The following FAAP24 variants were observed in gnomAD, a reference collection of about 807,000 sequenced individuals.
FAAP24 encodes the protein FA core complex associated protein 24.
Under a neutral mutation model 14.3 loss-of-function variants are expected in FAAP24, and 16 were observed. The ratio of observed to expected loss-of-function variants is 1.12; its 90% CI spans 0.76 to 1.69. FAAP24 has a LOEUF of 1.69. Among genes scored for constraint, FAAP24 ranks in the 40% most tolerant of loss-of-function variants. The pLI, the probability that FAAP24 is intolerant of heterozygous loss-of-function variation, is 0.00. For missense variants in FAAP24, 234 were observed against 262.7 expected, an observed-to-expected ratio of 0.89 and a Z score of 0.75; for synonymous variants, 111 against 106.2, an observed-to-expected ratio of 1.04 and a Z score of -0.28.
At chr19:32,973,396 T>C in intron 2 of FAAP24, 30 bp from the exon 3 acceptor site, 1 of 1,609,950 alleles carries the variant, frequency 6.2e-7, no homozygotes, top group African/African-American at 1.3e-5. Context: ...CCAAAGCTTA[T>C]GGAACTCATT....
At chr19:32,972,715 C>CT (rs56020597) in intron 1 of FAAP24, among the ~76,000 whole-genome samples, 5,264 of 100,564 alleles carry the variant, frequency 0.052, 210 homozygotes, top group African/African-American at 0.072. Context: ...TTTTTCTTTT[C>CT]TTTTTTTTTT....
At chr19:32,975,984 C>G (rs1003130275) in intron 4 of FAAP24, among the ~76,000 whole-genome samples, 1 of 152,204 alleles carries the variant, frequency 6.6e-6, no homozygotes, top group Non-Finnish European at 1.5e-5. Context: ...ATATCCCTTG[C>G]GTCACCGTTC....
chr19:32,972,866 A>G (rs2145988235), intron 1 of FAAP24, among the ~76,000 whole-genome samples: 1 of 151,588 alleles, frequency 6.6e-6, no homozygotes, highest in Middle Eastern at 3.4e-3. Context: ...GGTGCCCACC[A>G]CCAAGCCCGG....
chr19:32,972,772 T>C (rs1415992368), intron 1 of FAAP24, among the ~76,000 whole-genome samples: 12 of 146,006 alleles, frequency 8.2e-5, no homozygotes, highest in Non-Finnish European at 1.6e-4. Flanking sequence ...TGGAGTGCAG[T>C]GGCGCGATCT....
At position 32,973,510 on chromosome 19, in the gene FAAP24, C is replaced by G; in HGVS notation, c.191C>G (p.Ala64Gly). 1 of 1,614,200 alleles carries G rather than the reference C, an allele frequency of 6.2e-7. No homozygotes were observed. Among genetic ancestry groups the G allele is most frequent in the African/African-American group, 1.3e-5 (1 of 75,028 alleles). Residue 64 changes from alanine to glycine, a missense_variant, in exon 3 of 5, where the codon GCT becomes GGT. By Grantham distance (60) the Ala-to-Gly change is moderately conservative. Transcript: ENST00000588258. ...NRCCILYVTE[A>G]DLVAGNGYRK... Reference sequence around the variant, plus strand: ...TGCTGCATTCTTTATGTCACCGAAGCTGATTTGGTGGCAGGAAATGGCTAC... The same window carrying G: ...TGCTGCATTCTTTATGTCACCGAAGGTGATTTGGTGGCAGGAAATGGCTAC...
rs1442314801 is a variant in FAAP24, at chr19:32,977,305, C to T, written c.*623C>T. Reference sequence around the variant, plus strand: ...TTTAATGTGCGACCTTGACCTGCATCTGTCATGGAAAGTGCCTTCTAAAAA... The same window carrying T: ...TTTAATGTGCGACCTTGACCTGCATTTGTCATGGAAAGTGCCTTCTAAAAA... On this transcript the variant is annotated 3_prime_UTR_variant, in exon 5 of 5. Coordinates refer to ENST00000588258, the MANE Select transcript of FAAP24 (RefSeq NM_152266.5). 2.5e-6 allele frequency: 1 copy of T among 398,768 alleles called. No individual in the cohort carries two copies. Among genetic ancestry groups the T allele is most frequent in the Non-Finnish European group, 4.4e-6 (1 of 226,226 alleles). 24.7% of individuals were successfully genotyped at this position (398,768 alleles called of 1,614,324 possible).
At chr19:32,973,345 A>G in intron 2 of FAAP24, 43 bp downstream of exon 2, 1 of 1,600,758 alleles carries the variant, frequency 6.2e-7, no homozygotes, top group South Asian at 1.1e-5. Flanking sequence ...CCCCTGACAT[A>G]TTAAAAAAAA....
chr19:32,976,751 A>C lies in FAAP24; in HGVS notation c.*69A>C. The stretch of plus-strand genomic sequence containing the variant: ...CACCAGGATCTTGTTTTCAGCTTTA[A>C]AAACCAAGAGAATGGGCCGGGTGCA... On this transcript the variant is annotated 3_prime_UTR_variant, in exon 5 of 5. Transcript: ENST00000588258. 6.3e-7 allele frequency: 1 copy of C among 1,579,842 alleles called. No homozygotes were observed. The highest frequency in any genetic ancestry group is 8.6e-7 in the Non-Finnish European group (1 of 1,161,830).
chr19:32,974,072 A>C lies in FAAP24; in HGVS notation c.256A>C (p.Lys86Gln). The C allele has an allele frequency of 6.2e-7, 1 of 1,613,298 alleles. No individual in the cohort carries two copies. Among genetic ancestry groups the C allele is most frequent in the Middle Eastern group, 1.6e-4 (1 of 6,062 alleles). ...LVRVRNSNNL[K>Q]GIVVVEKTRM... is the part of the protein sequence containing the mutation. ...TTTTCCTTTCAAGTCCAATAATCTT[A>C]AAGGAATTGTAGTCGTTGAAAAAAC... is the stretch of plus-strand genomic sequence containing the variant. Residue 86 changes from lysine to glutamine, a missense_variant, in exon 4 of 5, where the codon AAA (lysine) becomes CAA (glutamine). Lys to Gln is a moderately conservative substitution (Grantham distance 53). Transcript: ENST00000588258.
In FAAP24 at chr19:32,976,517, A is replaced by G. The variant is rs1194290275; in HGVS notation, c.483A>G (p.Arg161=). 2.1e-5 allele frequency: 34 copies of G among 1,614,106 alleles called. No individual in the cohort carries two copies. Among genetic ancestry groups the G allele is most frequent in the Non-Finnish European group, 2.7e-5 (32 of 1,180,052 alleles). ...ALLLSEPSLL[R]TVQQIPGVGK... ...TGCTGTCTGAGCCTTCGCTCCTTCG[A>G]ACCGTGCAGCAGATCCCAGGAGTTG... The change falls in exon 5 of 5, where the codon CGA becomes CGG. Residue 161 remains arginine, a synonymous_variant. Coordinates refer to ENST00000588258, the MANE Select transcript of FAAP24 (RefSeq NM_152266.5).
intron 4 of FAAP24, 30 bp from the exon 5 acceptor site, chr19:32,976,401 T>C (rs2145992399): frequency 6.3e-7 from 1 of 1,586,658 alleles, no homozygotes; most frequent in Non-Finnish European, 8.6e-7. Context: ...CAGAGGGCGC[T>C]CACGTGCTGT....
chr19:32,977,050 A>G lies in FAAP24; in HGVS notation c.*368A>G. 1 of 377,614 alleles carries G rather than the reference A, an allele frequency of 2.6e-6. No individual in the cohort carries two copies. The highest frequency in any genetic ancestry group is 3.7e-5 in the East Asian group (1 of 27,034). The allele number at this position is 377,614 out of a possible 1,614,324, so 23.4% of individuals were successfully genotyped here. A position where few individuals can be genotyped will look rare whatever the true frequency, so the allele number is the denominator to read the frequency against. On this transcript the variant is annotated 3_prime_UTR_variant, in exon 5 of 5. Coordinates refer to ENST00000588258, the MANE Select transcript of FAAP24 (RefSeq NM_152266.5). ...AGCGAGACTCCGTCTCAAAGAAAAC[A>G]ACAAAAAAAAAAAAAAAAGAAAAAG...
At position 32,976,831 on chromosome 19, in the gene FAAP24, T is replaced by A; in HGVS notation, c.*149T>A. The A allele has an allele frequency of 9.8e-7, 1 of 1,016,082 alleles. No individual in the cohort carries two copies. The allele number at this position is 1,016,082 out of a possible 1,614,324, so 62.9% of individuals were successfully genotyped here. A position where few individuals can be genotyped will look rare whatever the true frequency, so the allele number is the denominator to read the frequency against. ...GGGAGGCCGAAGACAGCGGATCATC[T>A]GAGGTCAGGAGTTCAAGACCAGCCT... is the stretch of plus-strand genomic sequence containing the variant. On this transcript the variant is annotated 3_prime_UTR_variant, in exon 5 of 5. Transcript: ENST00000588258.
chr19:32,972,754 G>A (rs1473035352), intron 1 of FAAP24, among the ~76,000 whole-genome samples: 1 of 130,326 alleles, frequency 7.7e-6, no homozygotes, highest in Non-Finnish European at 1.5e-5. Context: ...TTGCTCTGTC[G>A]CCCAGGCTGG....
chr19:32,976,057 T>C (rs1028897187), intron 4 of FAAP24, among the ~76,000 whole-genome samples: 20 of 152,276 alleles, frequency 1.3e-4, no homozygotes, highest in African/African-American at 4.6e-4. Flanking sequence ...CTAGACCAGG[T>C]TTCTCCTTTG....
intron 4 of FAAP24, 48 bp downstream of exon 4, chr19:32,974,260 A>T (rs1208730455): frequency 6.4e-7 from 1 of 1,559,462 alleles, no homozygotes; most frequent in South Asian, 1.2e-5. Context: ...CCTCATGGAC[A>T]CTCAGCTGCT....
At chr19:32,976,349 G>T (rs1205341929) in intron 4 of FAAP24, 82 bp from the exon 5 acceptor site, 49 of 1,507,686 alleles carry the variant, frequency 3.3e-5, no homozygotes, top group Non-Finnish European at 4.2e-5. Flanking sequence ...ATGGAAAAAC[G>T]CAATTTCTAC....
At chr19:32,972,659 T>A (rs1434941841) in intron 1 of FAAP24, among the ~76,000 whole-genome samples, 1 of 150,994 alleles carries the variant, frequency 6.6e-6, no homozygotes, top group African/African-American at 2.4e-5. Flanking sequence ...CCACCACACA[T>A]CCCGTCTCCA....
rs761887430 is a variant in FAAP24 at position 32,974,130 on chromosome 19, A to G, written c.314A>G (p.Gln105Arg). ...RMSEQYFPALQKFTVLDLGMV... is the reference protein window; with the variant it reads ...RMSEQYFPALRKFTVLDLGMV... Reference sequence around the variant, plus strand: ...AGTGAACAATACTTCCCAGCCCTACAGAAGTTTACTGTGCTGGACCTTGGA... The same window carrying G: ...AGTGAACAATACTTCCCAGCCCTACGGAAGTTTACTGTGCTGGACCTTGGA... The change falls in exon 4 of 5, where the codon CAG becomes CGG. Residue 105 changes from glutamine to arginine, a missense_variant. Coordinates refer to ENST00000588258, the MANE Select transcript of FAAP24 (RefSeq NM_152266.5). The G allele has an allele frequency of 6.2e-7, 1 of 1,614,210 alleles. No individual in the cohort carries two copies. The highest frequency in any genetic ancestry group is 2.2e-5 in the East Asian group (1 of 44,880).
Sources: gnomAD v4.1 joint callset for allele counts (sites outside exome capture counted in the v4.1 genomes callset) on GRCh38, gnomAD v4.1.1 for gene constraint, MANE v1.5 for transcripts, NCBI Gene and HGNC (gene_info 2026-07-23, HGNC 2026-07-21) for gene names.